The following TEC variants were observed in gnomAD, a reference collection of about 807,000 sequenced individuals.
TEC encodes the protein tec protein tyrosine kinase.
In TEC, 72 loss-of-function variants were observed where a neutral mutation model predicts 93.0. The observed-to-expected ratio is 0.77, with a 90% CI of 0.64 to 0.94. TEC has a LOEUF of 0.94. TEC is among the 40% of genes least tolerant of loss of function. The probability of loss-of-function intolerance (pLI) is 0.00; values close to 1 mark genes in which losing one functional copy is unlikely to be tolerated. For missense variants in TEC, 630 were observed against 757.9 expected (o/e 0.83, Z 1.98); for synonymous variants, 249 against 247.7 (o/e 1.01, Z -0.05).
chr4:48,252,532 C>A (rs531575756), intron 1 of TEC, among the ~76,000 whole-genome samples: 64 of 152,318 alleles, frequency 4.2e-4, no homozygotes, highest in Non-Finnish European at 6.9e-4. Flanking sequence ...GGGTGAGTCA[C>A]CAACTTCCCA....
intron 2 of TEC, among the ~76,000 whole-genome samples, chr4:48,180,025 T>C (rs1022035576): frequency 6.6e-6 from 1 of 152,188 alleles, no homozygotes; most frequent in Non-Finnish European, 1.5e-5. Flanking sequence ...TAAAAGCAGC[T>C]GTCAGATGTG....
At chr4:48,251,326 T>A (rs1481542937) in intron 1 of TEC, among the ~76,000 whole-genome samples, 1 of 152,048 alleles carries the variant, frequency 6.6e-6, no homozygotes, top group Non-Finnish European at 1.5e-5. Flanking sequence ...TCTTTCTCCC[T>A]CCTCCCCACC....
intron 2 of TEC, among the ~76,000 whole-genome samples, chr4:48,198,826 G>C (rs1722393139): frequency 6.6e-6 from 1 of 152,046 alleles, no homozygotes; most frequent in Non-Finnish European, 1.5e-5. Flanking sequence ...AACTAAAAAA[G>C]GCCACAGAGC....
rs368890819 is a variant in TEC, at chr4:48,240,966, A to C, written c.-45-12307T>G. ...CCTGATCCCTAACAGGAAAAAAAAA[A>C]CTGTTAAAAACACTAATTTGATAGA... On this transcript the variant is annotated intron_variant, in intron 1 of 17. Transcript: ENST00000381501. 2.0e-5 allele frequency among the ~76,000 whole-genome samples: 3 copies of C among 152,208 alleles called. No homozygotes were observed. The East Asian group carries it at 5.8e-4, about 29-fold the overall frequency.
intron 17 of TEC, 143 bp downstream of exon 17, chr4:48,138,517 CTTGAG>C (rs1405845296): frequency 1.2e-6 from 1 of 817,362 alleles, no homozygotes; most frequent in East Asian, 2.6e-5. Context: ...TTATTCAGAA[CTTGAG>C]TTGAGAGGGT....
intron 2 of TEC, among the ~76,000 whole-genome samples, chr4:48,222,636 T>G (rs552434714): frequency 6.6e-6 from 1 of 151,992 alleles, no homozygotes; most frequent in Admixed American, 6.6e-5. Context: ...CAACCCTGAA[T>G]AGAACAAAAG....
intron 2 of TEC, among the ~76,000 whole-genome samples, chr4:48,222,388 G>A (rs1372176585): frequency 6.6e-6 from 1 of 152,192 alleles, no homozygotes; most frequent in Non-Finnish European, 1.5e-5. Context: ...TCCAGGAATT[G>A]AATCAAGTAG....
At chr4:48,268,805 C>T (rs1385402341) in intron 1 of TEC, among the ~76,000 whole-genome samples, 1 of 152,192 alleles carries the variant, frequency 6.6e-6, no homozygotes, top group Admixed American at 6.5e-5. Context: ...TCTTCAAACC[C>T]ACTTAGCCAC....
At chr4:48,147,464 A>G (rs1246888218) in intron 11 of TEC, among the ~76,000 whole-genome samples, 2 of 152,210 alleles carry the variant, frequency 1.3e-5, no homozygotes, top group Non-Finnish European at 2.9e-5. Context: ...CAGGAAGTCC[A>G]TCACAGCAAT....
intron 11 of TEC, among the ~76,000 whole-genome samples, chr4:48,148,349 T>A (rs1046697564): frequency 6.6e-6 from 1 of 152,168 alleles, no homozygotes; most frequent in African/African-American, 2.4e-5. Context: ...TTTCAAAATT[T>A]TTCATAAGTT....
At chr4:48,246,930 G>A (rs898437111) in intron 1 of TEC, among the ~76,000 whole-genome samples, 5 of 152,126 alleles carry the variant, frequency 3.3e-5, no homozygotes, top group African/African-American at 9.7e-5. Context: ...AAATTTTTGC[G>A]TGACATTATT....
intron 1 of TEC, among the ~76,000 whole-genome samples, chr4:48,241,043 A>G (rs550929716): frequency 3.1e-4 from 47 of 152,302 alleles, no homozygotes; most frequent in African/African-American, 1.1e-3. Flanking sequence ...ACTATACTCA[A>G]AAAGTATCAT....
At chr4:48,171,340 TAC>T (rs1311603196) in intron 4 of TEC, 26 bp downstream of exon 4, 6 of 1,570,650 alleles carry the variant, frequency 3.8e-6, no homozygotes, top group Non-Finnish European at 4.4e-6. Context: ...TAAAATTATA[TAC>T]AGAGTAATAT....
chr4:48,228,554 T>C lies in TEC; in HGVS notation c.61A>G (p.Thr21Ala), dbSNP rs773480124. Reference sequence around the variant, plus strand: ...CTCTCTTTGTAGTTTAAGGGCGATGTCTTCTTTTTCTGCTGTGACCTTTTA... The same window carrying C: ...CTCTCTTTGTAGTTTAAGGGCGATGCCTTCTTTTTCTGCTGTGACCTTTTA... ...LIKRSQQKKKTSPLNYKERLF... is the reference protein window; with the variant it reads ...LIKRSQQKKKASPLNYKERLF... The change falls in exon 2 of 18, where the codon ACA becomes GCA. Residue 21 changes from threonine to alanine, a missense_variant. Physicochemically the swap from Thr to Ala is moderately conservative, Grantham distance 58. Transcript: ENST00000381501. The C allele has an allele frequency of 5.0e-6, 8 of 1,614,006 alleles. No individual in the cohort carries two copies. The Admixed American group carries it at 1.3e-4, about 27-fold the overall frequency.
At chr4:48,211,901 C>T (rs1317163711) in intron 2 of TEC, among the ~76,000 whole-genome samples, 1 of 151,744 alleles carries the variant, frequency 6.6e-6, no homozygotes, top group African/African-American at 2.4e-5. Flanking sequence ...AGTTTGAGAC[C>T]AGCCTGGGCA....
intron 1 of TEC, among the ~76,000 whole-genome samples, chr4:48,265,448 T>TATATATAA (rs1553896928): frequency 6.4e-5 from 1 of 15,720 alleles, no homozygotes; most frequent in African/African-American, 7.1e-5. Context: ...TATATACGTA[T>TATATATAA]ATATATACAT....
chr4:48,200,119 C>T (rs1437568948), intron 2 of TEC, among the ~76,000 whole-genome samples: 1 of 151,994 alleles, frequency 6.6e-6, no homozygotes, highest in Non-Finnish European at 1.5e-5. Context: ...GCAAATATAC[C>T]AAGGAAGTAA....
chr4:48,247,103 A>C (rs1319567986), intron 1 of TEC, among the ~76,000 whole-genome samples: 1 of 151,862 alleles, frequency 6.6e-6, no homozygotes, highest in Non-Finnish European at 1.5e-5. Flanking sequence ...ACATTTCTCC[A>C]AAAACATATA....
chr4:48,258,978 A>T (rs1724417515), intron 1 of TEC, among the ~76,000 whole-genome samples: 1 of 152,252 alleles, frequency 6.6e-6, no homozygotes. Flanking sequence ...GGAAAATTCC[A>T]CAGACACTAC....
Sources: allele counts gnomAD v4.1 joint callset (sites outside exome capture counted in the v4.1 genomes callset), GRCh38; gene constraint gnomAD v4.1.1; transcripts MANE v1.5; gene names NCBI Gene and HGNC (gene_info 2026-07-23, HGNC 2026-07-21).